AGO2: variants seen among roughly 807,000 people sequenced by gnomAD.
AGO2 encodes the protein protein argonaute-2.
Under a neutral mutation model 102.3 loss-of-function variants are expected in AGO2, and 5 were observed. That is an observed-to-expected ratio of 0.05 (90% CI 0.03 to 0.10). AGO2 has a LOEUF of 0.10. Among genes scored for constraint, AGO2 ranks in the 10% least tolerant of loss-of-function variants. The pLI is 1.00. For missense variants in AGO2, 541 were observed against 1,183.7 expected (o/e 0.46, Z 7.97); for synonymous variants, 449 against 473.1 (o/e 0.95, Z 0.66).
chr8:140,632,063 T>C (rs942002547), intron 1 of AGO2, among the ~76,000 whole-genome samples: 1 of 152,256 alleles, frequency 6.6e-6, no homozygotes, highest in Non-Finnish European at 1.5e-5. Context: ...ACTGGACCAT[T>C]ACAGGAGAGC....
chr8:140,549,028 C>T, intron 12 of AGO2, 86 bp downstream of exon 12: 1 of 1,476,080 alleles, frequency 6.8e-7, no homozygotes, highest in South Asian at 1.3e-5. Flanking sequence ...CTCAGTGCAG[C>T]AGAAACACAG....
At chr8:140,566,725 C>G (rs1325934049) in intron 3 of AGO2, among the ~76,000 whole-genome samples, 1 of 151,914 alleles carries the variant, frequency 6.6e-6, no homozygotes, top group African/African-American at 2.4e-5. Flanking sequence ...GTGCCCCTGT[C>G]AAACTGTCTG....
intron 1 of AGO2, among the ~76,000 whole-genome samples, chr8:140,634,999 G>GCGCCCCGACCCGGC (rs1163683709): frequency 1.3e-5 from 2 of 151,442 alleles, no homozygotes; most frequent in Non-Finnish European, 3.0e-5. Context: ...CCCGAGCCGG[G>GCGCCCCGACCCGGC]CGCCCCGACC....
At chr8:140,586,253 G>A (rs944937481) in intron 1 of AGO2, among the ~76,000 whole-genome samples, 1 of 152,240 alleles carries the variant, frequency 6.6e-6, no homozygotes, top group East Asian at 1.9e-4. Context: ...AGCACTTTGG[G>A]AGGCTGAGGC....
At chr8:140,549,039 A>C in intron 12 of AGO2, 75 bp downstream of exon 12, 1 of 1,493,086 alleles carries the variant, frequency 6.7e-7, no homozygotes, top group Non-Finnish European at 8.9e-7. Context: ...AGAAACACAG[A>C]GGGGCTTAGG....
chr8:140,536,326 A>ATT (rs11327457), intron 16 of AGO2, among the ~76,000 whole-genome samples: 16 of 139,118 alleles, frequency 1.2e-4, no homozygotes, highest in East Asian at 2.1e-4. Context: ...CTTCTTTGCA[A>ATT]TTTTTTTTTT....
At chr8:140,636,106 C>A (rs1232187487), upstream of AGO2, among the ~76,000 whole-genome samples, 1 of 151,716 alleles carries the variant, frequency 6.6e-6, no homozygotes, top group African/African-American at 2.4e-5. Flanking sequence ...CTCAGCCCCT[C>A]GGCCCCCAGC....
At chr8:140,578,825 G>A (rs757567081) in intron 2 of AGO2, among the ~76,000 whole-genome samples, 3 of 152,254 alleles carry the variant, frequency 2.0e-5, no homozygotes, top group South Asian at 2.1e-4. Context: ...GCACGGGGCC[G>A]GGGCCGCCTT....
At chr8:140,581,864 C>G (rs1037762021) in intron 2 of AGO2, among the ~76,000 whole-genome samples, 3 of 152,220 alleles carry the variant, frequency 2.0e-5, no homozygotes. Context: ...AGTCCCCAGA[C>G]ATTCTCTCTC....
chr8:140,610,352 G>C (rs1409321452), intron 1 of AGO2, among the ~76,000 whole-genome samples: 1 of 152,060 alleles, frequency 6.6e-6, no homozygotes, highest in Non-Finnish European at 1.5e-5. Context: ...CGAGTAGCTG[G>C]GATTACAGGT....
intron 1 of AGO2, among the ~76,000 whole-genome samples, chr8:140,621,381 A>C (rs927138707): frequency 2.0e-5 from 3 of 152,202 alleles, no homozygotes; most frequent in Non-Finnish European, 4.4e-5. Context: ...GTGACTGCTC[A>C]CAGACTCACA....
At chr8:140,533,805 TA>T (rs796958990) in intron 17 of AGO2, among the ~76,000 whole-genome samples, 270 of 142,430 alleles carry the variant, frequency 1.9e-3, no homozygotes, top group African/African-American at 4.2e-3. Flanking sequence ...AGACTCCGTC[TA>T]AAAAAAAAAA....
intron 1 of AGO2, among the ~76,000 whole-genome samples, chr8:140,615,523 C>G (rs747155293): frequency 2.0e-5 from 3 of 152,358 alleles, no homozygotes; most frequent in Middle Eastern, 3.4e-3. Flanking sequence ...GAGTTCAAAG[C>G]CACAGAACCA....
In AGO2 at chr8:140,541,126, C is replaced by T. The variant is rs111641856; in HGVS notation, c.2034+38G>A. ...CTGCACAAACAGGTGAATTACAGAC[C>T]CCAGAGAAGGGGAGGGAAGGTTCCA... is the stretch of plus-strand genomic sequence containing the variant. On this transcript the variant is annotated intron_variant, in intron 15 of 18. Transcript: ENST00000220592. 8.0e-5 allele frequency: 121 copies of T among 1,506,690 alleles called. 1 individual carries two copies. The African/African-American group carries it at 1.3e-3, about 16-fold the overall frequency. The allele number at this position is 1,506,690 out of a possible 1,614,324, so 93.3% of individuals were successfully genotyped here.
At chr8:140,585,343 G>C (rs1236713199) in intron 1 of AGO2, 32 bp from the exon 2 acceptor site, 1 of 1,606,678 alleles carries the variant, frequency 6.2e-7, no homozygotes, top group Non-Finnish European at 8.5e-7. Flanking sequence ...CCATTAACGG[G>C]GGAGCAGGCT....
In AGO2 at chr8:140,630,529, G is replaced by C. The variant is rs77153792; in HGVS notation, c.22+4956C>G. ...CAAGTGCAGGCCCCTGACCGCAGCAGCAGGCTTGGGGCTCTCAATGTGTGG... is the reference window on the plus strand; with the variant it reads ...CAAGTGCAGGCCCCTGACCGCAGCACCAGGCTTGGGGCTCTCAATGTGTGG... On this transcript the variant is annotated intron_variant, in intron 1 of 18. Coordinates refer to ENST00000220592, the MANE Select transcript of AGO2 (RefSeq NM_012154.5). 3.5e-3 allele frequency among the ~76,000 whole-genome samples: 527 copies of C among 152,374 alleles called. 2 individuals are homozygous for C. The highest frequency in any genetic ancestry group is 0.011 in the African/African-American group (477 of 41,590).
rs769004540 is a variant in AGO2 at position 140,522,722 on chromosome 8, A to AGGGG, written c.*9318_*9321dup. 3 of 89,292 alleles carry AGGGG rather than the reference A, an allele frequency of 3.4e-5. No homozygotes were observed. Among genetic ancestry groups the AGGGG allele is most frequent in the Non-Finnish European group, 7.7e-5 (3 of 38,986 alleles). The allele number at this position is 89,292 out of a possible 1,614,324, so 5.5% of individuals were successfully genotyped here. On this transcript the variant is annotated 3_prime_UTR_variant, in exon 19 of 19. Transcript: ENST00000220592. Reference sequence around the variant, plus strand: ...AGAGAGAGGGAGGGGGAGGGGGGAGAGGGGGAGAGAGAGAGAGAGAGAGAG... The same window carrying AGGGG: ...AGAGAGAGGGAGGGGGAGGGGGGAGAGGGGGGGGGAGAGAGAGAGAGAGAGAGAG...
intron 13 of AGO2, among the ~76,000 whole-genome samples, chr8:140,546,625 G>A (rs2072905968): frequency 6.6e-6 from 1 of 152,264 alleles, no homozygotes; most frequent in Non-Finnish European, 1.5e-5. Context: ...GGCTTTATCA[G>A]CTGAGCCCCA....
chr8:140,562,637 G>A lies in AGO2; in HGVS notation c.337-3C>T. ...GGCAGCGTGACCTCCAGCTCCACCTGCGAGGATCCAAGGCACACAAGGTTA... is the reference window on the plus strand; with the variant it reads ...GGCAGCGTGACCTCCAGCTCCACCTACGAGGATCCAAGGCACACAAGGTTA... On this transcript the variant is annotated splice_polypyrimidine_tract_variant and splice_region_variant and intron_variant, in intron 3 of 18. Coordinates refer to ENST00000220592, the MANE Select transcript of AGO2 (RefSeq NM_012154.5). 6.2e-7 allele frequency: 1 copy of A among 1,612,814 alleles called. No homozygotes were observed. Among genetic ancestry groups the A allele is most frequent in the African/African-American group, 1.3e-5 (1 of 75,042 alleles).
Sources: gnomAD v4.1 joint callset for allele counts (sites outside exome capture counted in the v4.1 genomes callset) on GRCh38, gnomAD v4.1.1 for gene constraint, MANE v1.5 for transcripts, NCBI Gene and HGNC (gene_info 2026-07-23, HGNC 2026-07-21) for gene names.